The following RNF150 variants were observed in gnomAD, a reference collection of about 807,000 sequenced individuals.
RNF150 encodes the protein ring finger protein 150.
A neutral mutation model predicts 39.3 loss-of-function variants in RNF150; 24 were observed. The observed-to-expected ratio is 0.61, with a 90% CI of 0.44 to 0.86. The LOEUF (loss-of-function observed/expected upper bound fraction) is 0.86. RNF150 is among the 40% of genes least tolerant of loss of function. The pLI is 0.00. For missense variants in RNF150, 502 were observed against 587.8 expected (o/e 0.85, Z 1.51); for synonymous variants, 255 against 227.3 (o/e 1.12, Z -1.10).
At chr4:140,959,764 T>C (rs914601926) in intron 2 of RNF150, among the ~76,000 whole-genome samples, 1 of 152,056 alleles carries the variant, frequency 6.6e-6, no homozygotes, top group Admixed American at 6.6e-5. Context: ...GAAGGCAAGG[T>C]GTAAGGCAAG....
intron 1 of RNF150, among the ~76,000 whole-genome samples, chr4:141,030,264 C>T (rs1209270711): frequency 7.5e-6 from 1 of 133,190 alleles, no homozygotes; most frequent in East Asian, 2.1e-4. Context: ...TCACCTCATA[C>T]CCATTATAAT....
chr4:140,962,266 A>C (rs4055826), intron 2 of RNF150, among the ~76,000 whole-genome samples: 3,244 of 151,988 alleles, frequency 0.021, 126 homozygotes, highest in African/African-American at 0.075. Flanking sequence ...GCTATGTGTG[A>C]CTATTTAAAT....
intron 1 of RNF150, among the ~76,000 whole-genome samples, chr4:141,177,885 C>T (rs754027743): frequency 1.3e-5 from 2 of 151,964 alleles, no homozygotes; most frequent in African/African-American, 2.4e-5. Flanking sequence ...CATAAAGAAT[C>T]TTATACTGCT....
At chr4:141,062,958 G>T (rs1416508111) in intron 1 of RNF150, among the ~76,000 whole-genome samples, 1 of 152,144 alleles carries the variant, frequency 6.6e-6, no homozygotes, top group Non-Finnish European at 1.5e-5. Context: ...GTGTAAATTT[G>T]CTTAGGATGA....
intron 1 of RNF150, among the ~76,000 whole-genome samples, chr4:141,096,715 A>G (rs1738799757): frequency 6.6e-6 from 1 of 152,214 alleles, no homozygotes; most frequent in Admixed American, 6.5e-5. Flanking sequence ...GTGATCAAAC[A>G]ATCCCTCTTT....
chr4:141,040,147 C>T (rs1451203094), intron 1 of RNF150, among the ~76,000 whole-genome samples: 1 of 142,846 alleles, frequency 7.0e-6, no homozygotes, highest in Non-Finnish European at 1.6e-5. Flanking sequence ...CTGCAAGAAC[C>T]CCGGGTGCTG....
chr4:140,927,800 C>T (rs995396141), intron 4 of RNF150, among the ~76,000 whole-genome samples: 2 of 151,492 alleles, frequency 1.3e-5, no homozygotes, highest in African/African-American at 2.4e-5. Flanking sequence ...AGGTGCCCAC[C>T]ACCAAGCCTG....
At chr4:140,868,511 TAA>T (rs1295219377) in intron 6 of RNF150, 132 bp from the exon 7 acceptor site, 4 of 609,672 alleles carry the variant, frequency 6.6e-6, no homozygotes, top group African/African-American at 5.6e-5. Flanking sequence ...GGGTATTCTG[TAA>T]AAACTCTAGT....
intron 1 of RNF150, among the ~76,000 whole-genome samples, chr4:141,139,813 G>A (rs1361094367): frequency 3.3e-5 from 5 of 152,186 alleles, no homozygotes; most frequent in Non-Finnish European, 7.3e-5. Context: ...AAGTATAAGA[G>A]TGGGGGTTGT....
rs1021223820 is a variant in RNF150, at chr4:140,866,339, C to T, written c.*1922G>A. 2.0e-5 allele frequency: 3 copies of T among 152,184 alleles called. No individual in the cohort carries two copies. The highest frequency in any genetic ancestry group is 4.4e-5 in the Non-Finnish European group (3 of 68,038). 9.4% of individuals were successfully genotyped at this position (152,184 alleles called of 1,614,324 possible). On this transcript the variant is annotated 3_prime_UTR_variant, in exon 7 of 7. Coordinates refer to ENST00000515673, the MANE Select transcript of RNF150 (RefSeq NM_020724.2). ...GAGCTTGGGGACTCATGTTATTAAA[C>T]CCTTCACATTATAGATGAAGAAGCC...
intron 6 of RNF150, among the ~76,000 whole-genome samples, chr4:140,891,787 A>C (rs1729763053): frequency 6.6e-6 from 1 of 152,140 alleles, no homozygotes; most frequent in Admixed American, 6.5e-5. Context: ...AGGTGGGTGG[A>C]GGGTGAGTGA....
intron 1 of RNF150, among the ~76,000 whole-genome samples, chr4:141,195,441 C>A (rs971754865): frequency 1.3e-5 from 2 of 152,056 alleles, no homozygotes; most frequent in African/African-American, 2.4e-5. Context: ...TTTTCAATGC[C>A]CCTGACTACC....
rs563790104 is a variant in RNF150, at chr4:140,987,016, T to C, written c.485-19143A>G. On this transcript the variant is annotated intron_variant, in intron 1 of 6. Transcript: ENST00000515673. ...GAGCCAAATCAAGAATGCAATCCTA[T>C]TTACAATAGCCACATAGACAAAAAT... Among the ~76,000 whole-genome samples, 3 of 152,080 alleles carry C rather than the reference T, an allele frequency of 2.0e-5. No individual in the cohort carries two copies. The East Asian group carries it at 5.8e-4, about 30-fold the overall frequency.
intron 1 of RNF150, among the ~76,000 whole-genome samples, chr4:141,049,690 G>A (rs1275792744): frequency 6.6e-6 from 1 of 152,100 alleles, no homozygotes; most frequent in Non-Finnish European, 1.5e-5. Flanking sequence ...GATATCTGGA[G>A]AATATTTGCT....
At chr4:141,014,900 A>C (rs1735209312) in intron 1 of RNF150, among the ~76,000 whole-genome samples, 1 of 152,100 alleles carries the variant, frequency 6.6e-6, no homozygotes, top group East Asian at 1.9e-4. Context: ...TGCCTAGACC[A>C]ATGTCATGGG....
intron 1 of RNF150, among the ~76,000 whole-genome samples, chr4:141,116,582 C>T (rs903821754): frequency 6.6e-6 from 1 of 152,214 alleles, no homozygotes; most frequent in Non-Finnish European, 1.5e-5. Context: ...GACAGTGTAG[C>T]AATTCCTCAA....
intron 6 of RNF150, among the ~76,000 whole-genome samples, chr4:140,880,605 G>A (rs545822878): frequency 6.7e-6 from 1 of 149,632 alleles, no homozygotes; most frequent in South Asian, 2.1e-4. Flanking sequence ...TTAAATGTTT[G>A]GGATAATTCT....
chr4:141,137,983 T>G (rs2111121427), upstream of RNF150, among the ~76,000 whole-genome samples: 1 of 152,260 alleles, frequency 6.6e-6, no homozygotes, highest in East Asian at 1.9e-4. Context: ...CTTAAATACA[T>G]ACAGCATACG....
chr4:141,000,033 A>G lies in RNF150; in HGVS notation c.485-32160T>C, dbSNP rs1450779993. Among the ~76,000 whole-genome samples, 302 of 45,696 alleles carry G rather than the reference A, an allele frequency of 6.6e-3. 36 individuals carry two copies. Among genetic ancestry groups the G allele is most frequent in the African/African-American group, 0.012 (215 of 18,232 alleles). 30.0% of individuals were successfully genotyped at this position (45,696 alleles called of 152,430 possible). The stretch of plus-strand genomic sequence containing the variant: ...GAAGAAGAAGAAGAAGAAGAAGAAG[A>G]AGAAGAAGAAGAAGAAGAAGAAGAA... On this transcript the variant is annotated intron_variant, in intron 1 of 6. Coordinates refer to ENST00000515673, the MANE Select transcript of RNF150 (RefSeq NM_020724.2).
Sources: gnomAD v4.1 joint callset for allele counts (sites outside exome capture counted in the v4.1 genomes callset) on GRCh38, gnomAD v4.1.1 for gene constraint, MANE v1.5 for transcripts, NCBI Gene and HGNC (gene_info 2026-07-23, HGNC 2026-07-21) for gene names.